CACNA2D4: variants seen among roughly 807,000 people sequenced by gnomAD.
CACNA2D4 encodes the protein calcium voltage-gated channel auxiliary subunit alpha2delta 4.
A neutral mutation model predicts 163.8 loss-of-function variants in CACNA2D4; 157 were observed. The ratio of observed to expected loss-of-function variants is 0.96; its 90% confidence interval spans 0.84 to 1.09. The LOEUF is 1.09. Among genes scored for constraint, CACNA2D4 ranks in the 50% least tolerant of loss-of-function variants. The probability of loss-of-function intolerance (pLI) is 0.00; values close to 1 mark genes in which losing one functional copy is unlikely to be tolerated. For missense variants in CACNA2D4, 1,410 were observed against 1,479.9 expected, an observed-to-expected ratio of 0.95 and a Z score of 0.78; for synonymous variants, 598 against 586.9, an observed-to-expected ratio of 1.02 and a Z score of -0.27.
intron 2 of CACNA2D4, 26 bp from the exon 3 acceptor site, chr12:1,913,165 C>G (rs372948607): frequency 6.7e-7 from 1 of 1,502,254 alleles, no homozygotes; most frequent in Non-Finnish European, 9.3e-7. Flanking sequence ...GGGAGAGATG[C>G]GTGCATGTGG....
At position 1,878,433 on chromosome 12, in the gene CACNA2D4, G is replaced by A; in HGVS notation, c.1645-44C>T. 2 of 1,564,940 alleles carry A rather than the reference G, an allele frequency of 1.3e-6. No individual in the cohort carries two copies. The highest frequency in any genetic ancestry group is 1.7e-6 in the Non-Finnish European group (2 of 1,154,658). ...GAGGCGCATTAGGCCTGCTGTTTGT[G>A]CTGGGCATCTGGAGTTGGGCAGGGG... On this transcript the variant is annotated intron_variant, in intron 15 of 37. Transcript: ENST00000382722. The surrounding 1 kb of genome is among the most constrained non-coding windows in gnomAD (Gnocchi z 4.6).
In CACNA2D4 at chr12:1,833,497, C is replaced by G. The variant is rs902862567; in HGVS notation, c.2551+7242G>C. Among the ~76,000 whole-genome samples, 1 of 152,174 alleles carries G rather than the reference C, an allele frequency of 6.6e-6. No individual in the cohort carries two copies. The highest frequency in any genetic ancestry group is 2.4e-5 in the African/African-American group (1 of 41,430). On this transcript the variant is annotated intron_variant, in intron 26 of 37. Transcript: ENST00000382722. This position sits in a 1 kb window ranked among gnomAD's most constrained non-coding sequence, Gnocchi z 4.2. ...GAAGACATCCTGGCGAGCCCGTGCG[C>G]CCAGGTACCCACACCTCCTCATCAA...
Position 1,800,376 on chromosome 12 carries a change from C to A in CACNA2D4, c.2921+10G>T. On this transcript the variant is annotated intron_variant, in intron 32 of 37. Transcript: ENST00000382722. Reference sequence around the variant, plus strand: ...AGCCCTCCACCAGCCCCGTGTCTACCCCCACTCACAGCACCAGCTCCTGCA... The same window carrying A: ...AGCCCTCCACCAGCCCCGTGTCTACACCCACTCACAGCACCAGCTCCTGCA... The A allele has an allele frequency of 6.2e-7, 1 of 1,613,778 alleles. No individual in the cohort carries two copies. The highest frequency in any genetic ancestry group is 8.5e-7 in the Non-Finnish European group (1 of 1,179,730).
At chr12:1,906,206 A>G (rs1279711957) in intron 6 of CACNA2D4, among the ~76,000 whole-genome samples, 1 of 152,238 alleles carries the variant, frequency 6.6e-6, no homozygotes, top group African/African-American at 2.4e-5. Context: ...ACCTAAAACT[A>G]TAAAACTCCT....
In CACNA2D4 at chr12:1,799,800, C is replaced by A; in HGVS notation, c.2975-105G>T. 1.4e-6 allele frequency: 2 copies of A among 1,425,452 alleles called. No individual in the cohort carries two copies. Among genetic ancestry groups the A allele is most frequent in the Non-Finnish European group, 1.9e-6 (2 of 1,034,464 alleles). 88.3% of individuals were successfully genotyped at this position (1,425,452 alleles called of 1,614,324 possible). On this transcript the variant is annotated intron_variant, in intron 33 of 37. Transcript: ENST00000382722. This position sits in a 1 kb window ranked among gnomAD's most constrained non-coding sequence, Gnocchi z 4.7. ...GTGGTGATGATGGCACATGGAGTGG[C>A]GGTGTCCCAAGATGATGTCACACAC...
At chr12:1,872,990 C>G (rs559462294) in intron 18 of CACNA2D4, among the ~76,000 whole-genome samples, 44 of 152,208 alleles carry the variant, frequency 2.9e-4, no homozygotes, top group South Asian at 8.3e-4. Context: ...GATCTCGGAG[C>G]AGTTACACAT....
rs1865345677 is a variant in CACNA2D4, at chr12:1,854,006, C to T, written c.2191G>A (p.Val731Met). The T allele has an allele frequency of 1.2e-6, 2 of 1,612,968 alleles. No individual in the cohort carries two copies. Among genetic ancestry groups the T allele is most frequent in the Middle Eastern group, 1.6e-4 (1 of 6,082 alleles). The change falls in exon 23 of 38, where the codon GTG becomes ATG. Residue 731 changes from valine to methionine, a missense_variant. Val to Met is a conservative substitution (Grantham distance 21, BLOSUM62 1). Coordinates refer to ENST00000382722, the MANE Select transcript of CACNA2D4 (RefSeq NM_172364.5). ...TAGGCTTCCATGGGGGCTGTCACCA[C>T]CGCGTCAAACAGCACCTCCCGGACC... The part of the protein sequence containing the change: ...ELVREVLFDA[V>M]VTAPMEAYWT...
chr12:1,805,861 T>C (rs1863517359), intron 29 of CACNA2D4, among the ~76,000 whole-genome samples: 1 of 152,116 alleles, frequency 6.6e-6, no homozygotes, highest in Non-Finnish European at 1.5e-5. Flanking sequence ...GCTGGGATAG[T>C]GACTTGAAGA....
chr12:1,831,381 C>G (rs776606825), intron 26 of CACNA2D4: 2 of 1,613,932 alleles, frequency 1.2e-6, no homozygotes, highest in Non-Finnish European at 1.7e-6. Flanking sequence ...CCTCTCGCTT[C>G]GCTCCAACCG....
intron 20 of CACNA2D4, 63 bp downstream of exon 20, chr12:1,858,514 A>T: frequency 6.8e-7 from 1 of 1,473,870 alleles, no homozygotes; most frequent in South Asian, 1.2e-5. Flanking sequence ...GGCCCTGCCC[A>T]GTGTCCCATG....
At chr12:1,906,915 G>C (rs541708796) in intron 6 of CACNA2D4, among the ~76,000 whole-genome samples, 1 of 152,342 alleles carries the variant, frequency 6.6e-6, no homozygotes, top group East Asian at 1.9e-4. Flanking sequence ...ATGGGTTGGG[G>C]TGAAATGGAG....
At chr12:1,855,832 T>C (rs1865386681) in intron 22 of CACNA2D4, among the ~76,000 whole-genome samples, 180 bp downstream of exon 22, 2 of 152,238 alleles carry the variant, frequency 1.3e-5, no homozygotes, top group South Asian at 4.1e-4. Flanking sequence ...AGCTCAGCCC[T>C]GTGGTAAGGC....
In CACNA2D4 at chr12:1,875,060, TA is replaced by T. The variant is rs2154449278; in HGVS notation, c.1806+190del. Among the ~76,000 whole-genome samples, 1 of 152,386 alleles carries T rather than the reference TA, an allele frequency of 6.6e-6. No homozygotes were observed. Among genetic ancestry groups the T allele is most frequent in the South Asian group, 2.1e-4 (1 of 4,828 alleles). The stretch of plus-strand genomic sequence containing the variant: ...CTTGTGATTCAAGAAGATATTGTTA[TA>T]TTTTTATAGTTGTTAAAAGAATTGC... On this transcript the variant is annotated intron_variant, in intron 17 of 37. Transcript: ENST00000382722. The surrounding 1 kb of genome is among the most constrained non-coding windows in gnomAD (Gnocchi z 4.0).
intron 26 of CACNA2D4, among the ~76,000 whole-genome samples, chr12:1,826,410 C>G (rs11831740): frequency 6.8e-4 from 54 of 79,284 alleles, no homozygotes; most frequent in East Asian, 2.9e-3. Context: ...GCCCCCCCCC[C>G]CCCCCCGCCA....
intron 26 of CACNA2D4, among the ~76,000 whole-genome samples, chr12:1,817,834 C>T (rs867142619): frequency 1.6e-4 from 24 of 152,116 alleles, no homozygotes; most frequent in African/African-American, 5.6e-4. Context: ...CGGCTCGCTA[C>T]AACCTCCACC....
rs78032571 is a variant in CACNA2D4, at chr12:1,891,487, A to G, written c.782-4418T>C. ...TGGGAAGATGCAACTATTACACCAG[A>G]TGCACAGATATCAATGTAAGGACAC... On this transcript the variant is annotated intron_variant, in intron 6 of 37. Transcript: ENST00000382722. Among the ~76,000 whole-genome samples the G allele has an allele frequency of 7.3e-3, 1,107 of 152,312 alleles. 13 individuals carry two copies. Among genetic ancestry groups the G allele is most frequent in the African/African-American group, 0.025 (1,043 of 41,570 alleles).
At chr12:1,817,057 T>A (rs1048765309) in intron 26 of CACNA2D4, among the ~76,000 whole-genome samples, 1 of 152,222 alleles carries the variant, frequency 6.6e-6, no homozygotes, top group Non-Finnish European at 1.5e-5. Context: ...CTCCTCTGTC[T>A]TGAGAACCTA....
At chr12:1,902,299 G>A (rs1474110210) in intron 6 of CACNA2D4, among the ~76,000 whole-genome samples, 1 of 151,866 alleles carries the variant, frequency 6.6e-6, no homozygotes. Context: ...CTAAGATCTG[G>A]AACAAGACAA....
intron 6 of CACNA2D4, among the ~76,000 whole-genome samples, chr12:1,888,879 G>A (rs2154449926): frequency 6.6e-6 from 1 of 152,286 alleles, no homozygotes; most frequent in Non-Finnish European, 1.5e-5. Context: ...GAAGCACAGC[G>A]TATCCCAAAC....
Sources: gnomAD v4.1 joint callset for allele counts (sites outside exome capture counted in the v4.1 genomes callset) on GRCh38, gnomAD v4.1.1 for gene constraint, Gnocchi (gnomAD v3.1) non-coding constraint, MANE v1.5 for transcripts, NCBI Gene and HGNC (gene_info 2026-07-23, HGNC 2026-07-21) for gene names.